The following LMOD1 variants were observed in gnomAD, a reference collection of about 807,000 sequenced individuals.
LMOD1 encodes leiomodin 1, also known as leiomodin-1.
LMOD1 carries 8 observed loss-of-function variants against 36.5 expected under a neutral mutation model. That is an observed-to-expected ratio of 0.22 (90% confidence interval 0.13 to 0.40). The LOEUF (loss-of-function observed/expected upper bound fraction) is 0.40, where lower values mean the gene tolerates loss of function less well. Among genes scored for constraint, LMOD1 ranks in the 10% least tolerant of loss-of-function variants. The probability of loss-of-function intolerance (pLI) is 1.00; values close to 1 mark genes in which losing one functional copy is unlikely to be tolerated. For synonymous variants in LMOD1, 284 were observed against 288.7 expected (o/e 0.98, Z 0.17); for missense variants, 630 against 751.1 (o/e 0.84, Z 1.88).
At position 201,901,511 on chromosome 1, in the gene LMOD1, A is replaced by AAAAATAT. The variant is rs1242266721; in HGVS notation, c.262-761_262-760insATATTTT. On this transcript the variant is annotated intron_variant, in intron 1 of 2. Transcript: ENST00000367288. ...GAGCGAAACTCTGTCTCAAAAAAAA[A>AAAAATAT]ATATATATATATATATATGTATATA... 2.1e-4 allele frequency among the ~76,000 whole-genome samples: 16 copies of AAAAATAT among 75,200 alleles called. 1 individual carries two copies. Among genetic ancestry groups the AAAAATAT allele is most frequent in the African/African-American group, 1.0e-3 (14 of 13,710 alleles). 49.3% of individuals were successfully genotyped at this position (75,200 alleles called of 152,430 possible). A position where few individuals can be genotyped will look rare whatever the true frequency, so the allele number is the denominator to read the frequency against.
chr1:201,921,946 T>C (rs1283493324), intron 1 of LMOD1, among the ~76,000 whole-genome samples: 3 of 125,790 alleles, frequency 2.4e-5, no homozygotes, highest in Admixed American at 9.0e-5. Context: ...GGCGACAGAG[T>C]GAGATTCCAT....
intron 1 of LMOD1, among the ~76,000 whole-genome samples, chr1:201,919,957 C>T (rs932401595): frequency 2.7e-5 from 4 of 150,914 alleles, no homozygotes; most frequent in African/African-American, 9.7e-5. Flanking sequence ...CAGTGTCTTC[C>T]TAAAGTCTCC....
At chr1:201,940,709 C>G (rs916508589) in intron 1 of LMOD1, among the ~76,000 whole-genome samples, 1 of 150,970 alleles carries the variant, frequency 6.6e-6, no homozygotes, top group African/African-American at 2.4e-5. Context: ...CTCAGCCTCC[C>G]AAGTAGCTGG....
chr1:201,907,111 GA>G (rs1681424738), intron 1 of LMOD1, among the ~76,000 whole-genome samples: 1 of 152,226 alleles, frequency 6.6e-6, no homozygotes, highest in African/African-American at 2.4e-5. Flanking sequence ...CGGCTGCCAG[GA>G]AAACTGGGGG....
intron 1 of LMOD1, among the ~76,000 whole-genome samples, chr1:201,928,422 G>A (rs1484346229): frequency 6.6e-6 from 1 of 152,188 alleles, no homozygotes; most frequent in Non-Finnish European, 1.5e-5. Context: ...CGACCCAGCT[G>A]CAGAATTGGT....
chr1:201,898,351 A>G lies in LMOD1; in HGVS notation c.*21T>C, dbSNP rs755993335. On this transcript the variant is annotated 3_prime_UTR_variant, in exon 3 of 3. Transcript: ENST00000367288. ...GCCTGAGCAGTCATGGCATTGGCAG[A>G]TGGTGCCTGGCAGCCTGGTCCTACT... 3.0e-5 allele frequency: 48 copies of G among 1,611,552 alleles called. No individual in the cohort carries two copies. Among genetic ancestry groups the G allele is most frequent in the Non-Finnish European group, 3.8e-5 (45 of 1,179,034 alleles).
intron 1 of LMOD1, among the ~76,000 whole-genome samples, chr1:201,909,002 T>G (rs1681451840): frequency 6.6e-6 from 1 of 152,232 alleles, no homozygotes; most frequent in Admixed American, 6.5e-5. Context: ...GCTGGCCATG[T>G]GGGCACAGCC....
Position 201,928,776 on chromosome 1 carries a change from C to T in LMOD1, c.261+17304G>A, listed in dbSNP as rs1239970106. 5.9e-5 allele frequency among the ~76,000 whole-genome samples: 9 copies of T among 152,232 alleles called. No individual in the cohort carries two copies. In the South Asian group the frequency reaches 6.2e-4, roughly 11 times the overall value. On this transcript the variant is annotated intron_variant, in intron 1 of 2. Coordinates refer to ENST00000367288, the MANE Select transcript of LMOD1 (RefSeq NM_012134.3). Reference sequence around the variant, plus strand: ...TGTTGCCCAGGCTGGAGTACAGTGGCGTGATCTCGGCTCACTGCTACCTCT... The same window carrying T: ...TGTTGCCCAGGCTGGAGTACAGTGGTGTGATCTCGGCTCACTGCTACCTCT...
chr1:201,926,162 A>G (rs1302209956), intron 1 of LMOD1, among the ~76,000 whole-genome samples: 1 of 152,198 alleles, frequency 6.6e-6, no homozygotes, highest in Non-Finnish European at 1.5e-5. Flanking sequence ...TGCTTGGCAG[A>G]TGGTCCAATA....
intron 1 of LMOD1, among the ~76,000 whole-genome samples, chr1:201,907,565 T>A (rs967276794): frequency 6.6e-6 from 1 of 152,172 alleles, no homozygotes; most frequent in Non-Finnish European, 1.5e-5. Context: ...AATGACCATG[T>A]ATTAAGCCCT....
intron 1 of LMOD1, among the ~76,000 whole-genome samples, chr1:201,937,309 C>T (rs561347973): frequency 3.0e-4 from 46 of 151,122 alleles, no homozygotes; most frequent in Middle Eastern, 3.5e-3. Flanking sequence ...TATCTGGGCG[C>T]GGTGGGACAC....
intron 1 of LMOD1, among the ~76,000 whole-genome samples, chr1:201,919,137 G>A (rs1182371588): frequency 6.6e-6 from 1 of 151,802 alleles, no homozygotes; most frequent in Non-Finnish European, 1.5e-5. Context: ...CAATCCTCCC[G>A]CCTTGGCCTC....
chr1:201,927,204 A>G (rs535071942), intron 1 of LMOD1, among the ~76,000 whole-genome samples: 6 of 152,150 alleles, frequency 3.9e-5, no homozygotes, highest in Non-Finnish European at 7.3e-5. Context: ...AAGCCTCCCA[A>G]CCTGAAAGAA....
At chr1:201,922,972 G>A (rs923462451) in intron 1 of LMOD1, among the ~76,000 whole-genome samples, 2 of 151,848 alleles carry the variant, frequency 1.3e-5, no homozygotes, top group African/African-American at 2.4e-5. Context: ...TTACAGGTGC[G>A]CACCACCATG....
chr1:201,925,203 A>G (rs1263101479), intron 1 of LMOD1, among the ~76,000 whole-genome samples: 1 of 149,934 alleles, frequency 6.7e-6, no homozygotes, highest in African/African-American at 2.5e-5. Context: ...CAAGAGCAAA[A>G]CTCCAGCTCA....
chr1:201,901,530 GTATATATATATATATATATATACA>G, intron 1 of LMOD1, among the ~76,000 whole-genome samples: 1 of 50,052 alleles, frequency 2.0e-5, no homozygotes, highest in East Asian at 4.0e-4. Flanking sequence ...ATATATATAT[GTATATATATATATATATATATACA>G]TATATATATG....
intron 1 of LMOD1, among the ~76,000 whole-genome samples, chr1:201,927,674 A>G (rs1232926527): frequency 1.3e-5 from 2 of 152,226 alleles, no homozygotes; most frequent in Non-Finnish European, 2.9e-5. Context: ...AGCAAGTGGA[A>G]GAGATGCTGC....
chr1:201,916,693 G>C lies in LMOD1; in HGVS notation c.262-15942C>G, dbSNP rs555206868. Among the ~76,000 whole-genome samples, 207 of 152,264 alleles carry C rather than the reference G, an allele frequency of 1.4e-3. 1 individual carries two copies. Among genetic ancestry groups the C allele is most frequent in the African/African-American group, 4.6e-3 (193 of 41,546 alleles). On this transcript the variant is annotated intron_variant, in intron 1 of 2. Coordinates refer to ENST00000367288, the MANE Select transcript of LMOD1 (RefSeq NM_012134.3). ...GGATGGGGCCAGAGGTGGGAGGGAG[G>C]GGATTCCCCGTCACTGTGCTCAGTC...
chr1:201,944,539 G>T (rs16849456), intron 1 of LMOD1, among the ~76,000 whole-genome samples: 4,920 of 152,178 alleles, frequency 0.032, 263 homozygotes, highest in African/African-American at 0.11. Context: ...TAGCTGTGTT[G>T]GGGTACCGGG....
Sources: allele counts gnomAD v4.1 joint callset (sites outside exome capture counted in the v4.1 genomes callset), GRCh38; gene constraint gnomAD v4.1.1; transcripts MANE v1.5; gene names NCBI Gene and HGNC (gene_info 2026-07-23, HGNC 2026-07-21).